LMOD2: variants seen among roughly 807,000 people sequenced by gnomAD.
LMOD2 encodes the protein leiomodin-2.
LMOD2 carries 27 observed loss-of-function variants against 41.7 expected under a neutral mutation model. The observed-to-expected ratio is 0.65, with a 90% confidence interval of 0.48 to 0.89. The LOEUF (loss-of-function observed/expected upper bound fraction) is 0.89, where lower values mean the gene tolerates loss of function less well. Ranked by LOEUF, LMOD2 falls within the 40% of genes least tolerant of loss-of-function variation. The pLI, the probability that LMOD2 is intolerant of heterozygous loss-of-function variation, is 0.00. For missense variants in LMOD2, 624 were observed against 667.9 expected (o/e 0.93, Z 0.72); for synonymous variants, 251 against 244.6 (o/e 1.03, Z -0.25).
rs762812798 is a variant in LMOD2, at chr7:123,662,483, G to A, written c.897G>A (p.Thr299=). 5.0e-5 allele frequency: 80 copies of A among 1,613,906 alleles called. 1 individual carries two copies. The East Asian group carries it at 9.8e-4, about 20-fold the overall frequency. ...MRALQHNTVL[T]ELRFHNQRHI... is the part of the protein sequence containing the mutation. ...CTCTCCAGCACAACACGGTGCTCAC[G>A]GAGCTGCGTTTCCATAACCAGAGGC... is the stretch of plus-strand genomic sequence containing the variant. Residue 299 remains threonine (T), a synonymous_variant, in exon 2 of 3, where the codon ACG becomes ACA. Coordinates refer to ENST00000458573, the MANE Select transcript of LMOD2 (RefSeq NM_207163.3). The surrounding 1 kb of genome is among the most constrained non-coding windows in gnomAD (Gnocchi z 4.0).
Position 123,662,424 on chromosome 7 carries a change from A to G in LMOD2, c.838A>G (p.Ile280Val), listed in dbSNP as rs756301084. 2 of 1,613,990 alleles carry G rather than the reference A, an allele frequency of 1.2e-6. No individual in the cohort carries two copies. The highest frequency in any genetic ancestry group is 2.2e-5 in the East Asian group (1 of 44,864). ...ITNVNVESNF[I>V]TGKGILAIMR... ...CAACGTAAACGTCGAGTCCAACTTC[A>G]TAACGGGAAAGGGGATCCTGGCCAT... The change falls in exon 2 of 3, where the codon ATA becomes GTA. Residue 280 changes from isoleucine (I) to valine (V), a missense_variant. By Grantham distance (29) the Ile-to-Val change is conservative (BLOSUM62 3). Transcript: ENST00000458573. This position sits in a 1 kb window ranked among gnomAD's most constrained non-coding sequence, Gnocchi z 4.0.
At chr7:123,657,448 G>A (rs1048444549) in intron 1 of LMOD2, among the ~76,000 whole-genome samples, 2 of 152,130 alleles carry the variant, frequency 1.3e-5, no homozygotes, top group African/African-American at 4.8e-5. Context: ...TTTTGTCCAC[G>A]TCAATCATTG....
chr7:123,663,947 C>A lies in LMOD2; in HGVS notation c.*202C>A, dbSNP rs576816202. On this transcript the variant is annotated 3_prime_UTR_variant, in exon 3 of 3. Transcript: ENST00000458573. ...ATGAAAATAAATTTCTTTTTTATGT[C>A]GTGAGATTTGTATTGGCAAGAAGCA... 7.6e-5 allele frequency: 42 copies of A among 555,366 alleles called. No homozygotes were observed. The South Asian group carries it at 1.1e-3, about 15-fold the overall frequency. 34.4% of individuals were successfully genotyped at this position (555,366 alleles called of 1,614,324 possible).
Position 123,662,949 on chromosome 7 carries a change from A to C in LMOD2, c.1363A>C (p.Ile455Leu), listed in dbSNP as rs1408070877. Residue 455 changes from isoleucine (I) to leucine (L), a missense_variant, in exon 2 of 3, where the codon ATT (isoleucine) becomes CTT (leucine). Ile to Leu is a conservative substitution (Grantham distance 5). Transcript: ENST00000458573. The surrounding 1 kb of genome is among the most constrained non-coding windows in gnomAD (Gnocchi z 4.0). ...TCCTCCACTCCCAGAGAAAAAGCTC[A>C]TTACCAGAAACATTGCAGAAGTCAT... The part of the protein sequence containing the change: ...PPPPLPEKKL[I>L]TRNIAEVIKQ... The C allele has an allele frequency of 6.4e-7, 1 of 1,552,920 alleles. No individual in the cohort carries two copies. The highest frequency in any genetic ancestry group is 8.7e-7 in the Non-Finnish European group (1 of 1,148,304).
At chr7:123,659,435 ATGT>A (rs1022829004) in intron 1 of LMOD2, among the ~76,000 whole-genome samples, 1 of 152,144 alleles carries the variant, frequency 6.6e-6, no homozygotes, top group Non-Finnish European at 1.5e-5. Context: ...CTTTCTCCAG[ATGT>A]CCCCCACCTA....
chr7:123,659,841 A>G (rs1802844978), intron 1 of LMOD2, among the ~76,000 whole-genome samples: 2 of 152,210 alleles, frequency 1.3e-5, no homozygotes, highest in African/African-American at 4.8e-5. Context: ...TATCATTTAG[A>G]TGCTATATGA....
At chr7:123,661,322 T>A (rs1227323197) in intron 1 of LMOD2, among the ~76,000 whole-genome samples, 1 of 152,186 alleles carries the variant, frequency 6.6e-6, no homozygotes, top group Non-Finnish European at 1.5e-5. Context: ...CAGAGAGTGG[T>A]TGGCTTCTGT....
At position 123,662,627 on chromosome 7, in the gene LMOD2, T is replaced by C; in HGVS notation, c.1041T>C (p.Ile347=). The C allele has an allele frequency of 6.2e-7, 1 of 1,613,918 alleles. No individual in the cohort carries two copies. Among genetic ancestry groups the C allele is most frequent in the Admixed American group, 1.7e-5 (1 of 60,006 alleles). The change falls in exon 2 of 3, where the codon ATT becomes ATC. Residue 347 remains isoleucine, a synonymous_variant. Coordinates refer to ENST00000458573, the MANE Select transcript of LMOD2 (RefSeq NM_207163.3). The surrounding 1 kb of genome is among the most constrained non-coding windows in gnomAD (Gnocchi z 4.0). ...GACCAAGAATGAGCATGACGAGCAT[T>C]TTGACAAGAAATATGGATAAACAGA... is the stretch of plus-strand genomic sequence containing the variant. ...LPGPRMSMTS[I]LTRNMDKQRQ... is the part of the protein sequence containing the mutation.
At chr7:123,658,009 A>G (rs2116733098) in intron 1 of LMOD2, among the ~76,000 whole-genome samples, 1 of 150,848 alleles carries the variant, frequency 6.6e-6, no homozygotes, top group African/African-American at 2.4e-5. Context: ...AAAAAAAAAA[A>G]AAAGAATAAA....
At position 123,662,920 on chromosome 7, in the gene LMOD2, C is replaced by T; in HGVS notation, c.1334C>T (p.Pro445Leu). 6.4e-7 allele frequency: 1 copy of T among 1,554,184 alleles called. No individual in the cohort carries two copies. Residue 445 changes from proline (P) to leucine (L), a missense_variant, in exon 2 of 3, where the codon CCC becomes CTC. Physicochemically the swap from Pro to Leu is moderately conservative, Grantham distance 98. Coordinates refer to ENST00000458573, the MANE Select transcript of LMOD2 (RefSeq NM_207163.3). This position sits in a 1 kb window ranked among gnomAD's most constrained non-coding sequence, Gnocchi z 4.0. ...AGGCTGCCACCACCTCCTCCTCCTC[C>T]CCCTCCTCCACTCCCAGAGAAAAAG... Reference protein sequence around the residue: ...SQRLPPPPPPPPPPLPEKKLI... With the variant: ...SQRLPPPPPPLPPPLPEKKLI...
Position 123,656,223 on chromosome 7 carries a change from G to A in LMOD2, c.260G>A (p.Gly87Glu), listed in dbSNP as rs373562916. ...AAACTCTTGGAGAAGGAGAGGCTGG[G>A]GGAATGTGGAAAGGTAGGCTCTCGG... ...SQKLLEKERL[G>E]ECGKVAEDKE... The change falls in exon 1 of 3, where the codon GGG (glycine) becomes GAG (glutamate). Residue 87 changes from glycine to glutamate, a missense_variant. Physicochemically the swap from Gly to Glu is moderately conservative, Grantham distance 98. Transcript: ENST00000458573. 6.2e-7 allele frequency: 1 copy of A among 1,606,964 alleles called. No homozygotes were observed. Among genetic ancestry groups the A allele is most frequent in the African/African-American group, 1.3e-5 (1 of 74,762 alleles).
At chr7:123,659,132 T>C (rs2116734179) in intron 1 of LMOD2, among the ~76,000 whole-genome samples, 1 of 152,190 alleles carries the variant, frequency 6.6e-6, no homozygotes, top group African/African-American at 2.4e-5. Context: ...AATAGGGAGG[T>C]GATCAGGAGA....
rs1388512451 is a variant in LMOD2 at position 123,663,157 on chromosome 7, A to C, written c.1571A>C (p.Asn524Thr). ...ACCCCACAGAGATCAGCTCATGAGAATCTCATGGAAGCAATTCGGGGAAGC... is the reference window on the plus strand; with the variant it reads ...ACCCCACAGAGATCAGCTCATGAGACTCTCATGGAAGCAATTCGGGGAAGC... ...PSTPQRSAHENLMEAIRGSSI... is the reference protein window; with the variant it reads ...PSTPQRSAHETLMEAIRGSSI... The change falls in exon 2 of 3, where the codon AAT becomes ACT. Residue 524 changes from asparagine to threonine, a missense_variant. Physicochemically the swap from Asn to Thr is moderately conservative, Grantham distance 65. Transcript: ENST00000458573. The C allele has an allele frequency of 6.4e-7, 1 of 1,570,662 alleles. No individual in the cohort carries two copies. Among genetic ancestry groups the C allele is most frequent in the Admixed American group, 1.9e-5 (1 of 53,416 alleles).
chr7:123,659,321 T>C (rs1802838263), intron 1 of LMOD2, among the ~76,000 whole-genome samples: 1 of 152,226 alleles, frequency 6.6e-6, no homozygotes, highest in Admixed American at 6.5e-5. Flanking sequence ...AGGAAATCTG[T>C]AATAAAACAG....
intron 1 of LMOD2, among the ~76,000 whole-genome samples, chr7:123,661,469 G>A (rs192625832): frequency 6.6e-6 from 1 of 152,332 alleles, no homozygotes; most frequent in Admixed American, 6.5e-5. Context: ...CAGAAGGGAG[G>A]GTTGAATTTG....
In LMOD2 at chr7:123,662,474, G is replaced by C. The variant is rs769557786; in HGVS notation, c.888G>C (p.Thr296=). The C allele has an allele frequency of 1.2e-6, 2 of 1,613,746 alleles. No individual in the cohort carries two copies. The highest frequency in any genetic ancestry group is 1.6e-4 in the Middle Eastern group (1 of 6,084). ...LAIMRALQHN[T]VLTELRFHNQ... is the part of the protein sequence containing the mutation. ...TCATGAGAGCTCTCCAGCACAACAC[G>C]GTGCTCACGGAGCTGCGTTTCCATA... is the stretch of plus-strand genomic sequence containing the variant. The change falls in exon 2 of 3, where the codon ACG becomes ACC. Residue 296 remains threonine, a synonymous_variant. Coordinates refer to ENST00000458573, the MANE Select transcript of LMOD2 (RefSeq NM_207163.3). The surrounding 1 kb of genome is among the most constrained non-coding windows in gnomAD (Gnocchi z 4.0).
At position 123,662,638 on chromosome 7, in the gene LMOD2, A is replaced by C. The variant is rs759645346; in HGVS notation, c.1052A>C (p.Asn351Thr). 2 of 1,614,054 alleles carry C rather than the reference A, an allele frequency of 1.2e-6. No homozygotes were observed. The highest frequency in any genetic ancestry group is 2.2e-5 in the South Asian group (2 of 91,084). ...RMSMTSILTR[N>T]MDKQRQKRLQ... is the part of the protein sequence containing the mutation. ...AGCATGACGAGCATTTTGACAAGAA[A>C]TATGGATAAACAGAGGCAAAAACGT... is the stretch of plus-strand genomic sequence containing the variant. The change falls in exon 2 of 3, where the codon AAT (asparagine) becomes ACT (threonine). Residue 351 changes from asparagine to threonine, a missense_variant. Asn to Thr is a moderately conservative substitution (Grantham distance 65, BLOSUM62 0). Coordinates refer to ENST00000458573, the MANE Select transcript of LMOD2 (RefSeq NM_207163.3). The surrounding 1 kb of genome is among the most constrained non-coding windows in gnomAD (Gnocchi z 4.0).
intron 1 of LMOD2, among the ~76,000 whole-genome samples, chr7:123,660,942 C>T (rs1802866873): frequency 6.6e-6 from 1 of 152,176 alleles, no homozygotes; most frequent in African/African-American, 2.4e-5. Flanking sequence ...CTGTTCTCTG[C>T]TGTTCCATCC....
rs1178980506 is a variant in LMOD2 at position 123,661,892 on chromosome 7, G to C, written c.306G>C (p.Glu102Asp). Residue 102 changes from glutamate (E) to aspartate (D), a missense_variant, in exon 2 of 3, where the codon GAG (glutamate) becomes GAC (aspartate). By Grantham distance (45) the Glu-to-Asp change is conservative. Coordinates refer to ENST00000458573, the MANE Select transcript of LMOD2 (RefSeq NM_207163.3). ...AAGACAAAGAGGAAAGTGAAGAAGAGCTTATCTTTACTGAAAGTAACAGTG... is the reference window on the plus strand; with the variant it reads ...AAGACAAAGAGGAAAGTGAAGAAGACCTTATCTTTACTGAAAGTAACAGTG... ...VAEDKEESEE[E>D]LIFTESNSEV... is the part of the protein sequence containing the mutation. 1.3e-6 allele frequency: 2 copies of C among 1,543,740 alleles called. No individual in the cohort carries two copies. The highest frequency in any genetic ancestry group is 1.7e-6 in the Non-Finnish European group (2 of 1,143,842).
Sources: gnomAD v4.1 joint callset for allele counts (sites outside exome capture counted in the v4.1 genomes callset) on GRCh38, gnomAD v4.1.1 for gene constraint, Gnocchi (gnomAD v3.1) non-coding constraint, MANE v1.5 for transcripts, NCBI Gene and HGNC (gene_info 2026-07-23, HGNC 2026-07-21) for gene names.